SV2C: variants seen among roughly 807,000 people sequenced by gnomAD.
The protein encoded by SV2C is solute carrier family 22 member B3.
A neutral mutation model predicts 79.7 loss-of-function variants in SV2C; 49 were observed. The observed-to-expected ratio is 0.61, with a 90% CI of 0.49 to 0.78. SV2C has a LOEUF of 0.78. Ranked by LOEUF, SV2C falls within the 30% of genes least tolerant of loss-of-function variation. The pLI is 0.00. For synonymous variants in SV2C, 334 were observed against 333.2 expected (o/e 1.00, Z -0.03); for missense variants, 833 against 912.9 (o/e 0.91, Z 1.13).
chr5:76,000,735 G>T, the SV2C span, among the ~76,000 whole-genome samples: 1 of 152,190 alleles, frequency 6.6e-6, no homozygotes, highest in East Asian at 1.9e-4. Context: ...TTGCTTGATG[G>T]GGGAGCTGTT....
chr5:76,039,300 G>A, the SV2C span, among the ~76,000 whole-genome samples: 1 of 152,212 alleles, frequency 6.6e-6, no homozygotes, highest in Admixed American at 6.5e-5. Flanking sequence ...TTCATGGGGA[G>A]GCTAATCCTA....
chr5:76,205,235 GT>G (rs1255406695), intron 3 of SV2C, among the ~76,000 whole-genome samples: 1 of 151,924 alleles, frequency 6.6e-6, no homozygotes, highest in African/African-American at 2.4e-5. Context: ...CTAGAAATGT[GT>G]TTAATACAGA....
chr5:75,899,914 G>T, the SV2C span, among the ~76,000 whole-genome samples: 985 of 151,980 alleles, frequency 6.5e-3, 6 homozygotes, highest in Middle Eastern at 0.017. Flanking sequence ...TTTTCCATTT[G>T]CTTGGTAGAT....
At chr5:76,346,424 A>G (rs1342128098) in intron 12 of SV2C, among the ~76,000 whole-genome samples, 1 of 152,162 alleles carries the variant, frequency 6.6e-6, no homozygotes, top group Non-Finnish European at 1.5e-5. Context: ...TTCAGTGGAT[A>G]TAGTCCCAGG....
At chr5:75,885,877 C>T in the SV2C span, among the ~76,000 whole-genome samples, 3 of 152,100 alleles carry the variant, frequency 2.0e-5, no homozygotes, top group Non-Finnish European at 2.9e-5. Context: ...GGGAAATGCT[C>T]TTGGATCAAC....
At chr5:76,015,472 C>T in the SV2C span, among the ~76,000 whole-genome samples, 6 of 152,174 alleles carry the variant, frequency 3.9e-5, no homozygotes, top group Admixed American at 6.5e-5. Context: ...AATGCCACTG[C>T]ATCTTGCCTA....
chr5:76,231,390 G>A lies in SV2C; in HGVS notation c.913+21503G>A, dbSNP rs112797410. ...TTTGTCAATTTATGAAAAGATCCAG[G>A]AGTTAATGTACTGAGGCTTGCTGCA... On this transcript the variant is annotated intron_variant, in intron 4 of 12. Coordinates refer to ENST00000502798, the MANE Select transcript of SV2C (RefSeq NM_014979.4). Among the ~76,000 whole-genome samples the A allele has an allele frequency of 5.3e-5, 8 of 152,126 alleles. 1 individual carries two copies. The highest frequency in any genetic ancestry group is 1.9e-4 in the African/African-American group (8 of 41,510).
chr5:75,974,626 G>A, the SV2C span, among the ~76,000 whole-genome samples: 1 of 151,342 alleles, frequency 6.6e-6, no homozygotes, highest in African/African-American at 2.5e-5. Flanking sequence ...TGGTGAGAGT[G>A]GTCTCACGCC....
the SV2C span, among the ~76,000 whole-genome samples, chr5:76,072,400 C>T: frequency 1.0e-3 from 158 of 152,164 alleles, 1 homozygote; most frequent in Admixed American, 4.1e-3. Context: ...TGTTGTACTA[C>T]AGGAAATGAA....
chr5:75,889,323 T>C, the SV2C span, among the ~76,000 whole-genome samples: 7 of 142,734 alleles, frequency 4.9e-5, no homozygotes, highest in Non-Finnish European at 7.6e-5. Context: ...ATTGTTCAAC[T>C]CCCACTTATG....
chr5:76,088,027 G>C (rs1055630093), intron 1 of SV2C, among the ~76,000 whole-genome samples: 1 of 152,166 alleles, frequency 6.6e-6, no homozygotes, highest in Non-Finnish European at 1.5e-5. Context: ...AGCCCTAGGT[G>C]GTCTGGCCTC....
chr5:76,120,214 A>T (rs1041844503), intron 1 of SV2C, among the ~76,000 whole-genome samples: 1 of 152,168 alleles, frequency 6.6e-6, no homozygotes, highest in African/African-American at 2.4e-5. Flanking sequence ...ATAATTGTAT[A>T]TCATGTAGCA....
the SV2C span, among the ~76,000 whole-genome samples, chr5:75,973,175 G>T: frequency 6.6e-6 from 1 of 151,658 alleles, no homozygotes; most frequent in African/African-American, 2.4e-5. Flanking sequence ...GGGGACGGTT[G>T]TGGGGTGGGG....
At chr5:76,018,798 C>T in the SV2C span, among the ~76,000 whole-genome samples, 4 of 152,170 alleles carry the variant, frequency 2.6e-5, no homozygotes, top group South Asian at 2.1e-4. Flanking sequence ...GAATCCTATG[C>T]GTACATGAAC....
intron 2 of SV2C, among the ~76,000 whole-genome samples, chr5:76,164,423 T>G (rs1377403216): frequency 1.3e-5 from 2 of 152,202 alleles, no homozygotes; most frequent in Non-Finnish European, 1.5e-5. Context: ...GGATGTCCTA[T>G]GTAGTAGATC....
At chr5:76,145,818 C>A (rs985181941) in intron 2 of SV2C, among the ~76,000 whole-genome samples, 1 of 152,188 alleles carries the variant, frequency 6.6e-6, no homozygotes, top group Non-Finnish European at 1.5e-5. Context: ...ATAGGTGGGA[C>A]ACATTTGGGA....
chr5:76,186,285 T>G (rs181711869), intron 2 of SV2C, among the ~76,000 whole-genome samples: 5 of 152,288 alleles, frequency 3.3e-5, no homozygotes, highest in African/African-American at 1.2e-4. Flanking sequence ...CCAAAGTCGT[T>G]TCCACATTTT....
chr5:75,959,588 A>T, the SV2C span, among the ~76,000 whole-genome samples: 1 of 152,006 alleles, frequency 6.6e-6, no homozygotes, highest in Non-Finnish European at 1.5e-5. Context: ...ACATATATGC[A>T]AACACATCAG....
the SV2C span, among the ~76,000 whole-genome samples, chr5:75,853,607 CAAAAAA>C: frequency 0.048 from 1,363 of 28,528 alleles, 10 homozygotes; most frequent in Non-Finnish European, 0.063. Context: ...GACTCCGTCT[CAAAAAA>C]AAAAAAAAAA....
Sources: allele counts gnomAD v4.1 joint callset (sites outside exome capture counted in the v4.1 genomes callset), GRCh38; gene constraint gnomAD v4.1.1; transcripts MANE v1.5; gene names NCBI Gene and HGNC (gene_info 2026-07-23, HGNC 2026-07-21).